Variants in GRIN2A observed in about 807,000 individuals in gnomAD.
GRIN2A encodes the protein glutamate receptor ionotropic, NMDA 2A.
Under a neutral mutation model 113.4 loss-of-function variants are expected in GRIN2A, and 22 were observed. The observed-to-expected ratio is 0.19, with a 90% CI of 0.14 to 0.28. The LOEUF is 0.28. Among genes scored for constraint, GRIN2A ranks in the 10% least tolerant of loss-of-function variants. GRIN2A has a pLI of 1.00. For missense variants in GRIN2A, 1,502 were observed against 1,887.0 expected (o/e 0.80, Z 3.78); for synonymous variants, 827 against 738.4 (o/e 1.12, Z -1.94).
At chr16:9,786,997 T>C (rs1242417778) in intron 11 of GRIN2A, among the ~76,000 whole-genome samples, 1 of 152,214 alleles carries the variant, frequency 6.6e-6, no homozygotes, top group Non-Finnish European at 1.5e-5. Flanking sequence ...TAACATGGCT[T>C]AGTTTCCAAC....
intron 2 of GRIN2A, among the ~76,000 whole-genome samples, chr16:10,044,003 G>GTATATATA (rs1334877702): frequency 1.2e-5 from 1 of 80,588 alleles, no homozygotes; most frequent in African/African-American, 5.5e-5. Context: ...GTGTGTGTGT[G>GTATATATA]TGTGTATATA....
intron 2 of GRIN2A, among the ~76,000 whole-genome samples, chr16:10,085,225 C>T (rs1055060427): frequency 2.0e-5 from 3 of 152,124 alleles, no homozygotes; most frequent in African/African-American, 7.2e-5. Context: ...CTGACCATCT[C>T]GCAGGCTGGG....
rs2047120469 is a variant in GRIN2A at position 10,039,915 on chromosome 16, C to CA, written c.415-101365dup. ...GTACACACTCGCAATCCAGCACACT[C>CA]ACAGCGCACATGCAAACACACACAA... is the stretch of plus-strand genomic sequence containing the variant. On this transcript the variant is annotated intron_variant, in intron 2 of 12. Coordinates refer to ENST00000330684, the MANE Select transcript of GRIN2A (RefSeq NM_001134407.3). Among the ~76,000 whole-genome samples the CA allele has an allele frequency of 3.2e-5, 4 of 125,762 alleles. No individual in the cohort carries two copies. The South Asian group carries it at 1.2e-3, about 37-fold the overall frequency. 82.5% of individuals were successfully genotyped at this position (125,762 alleles called of 152,430 possible).
intron 2 of GRIN2A, among the ~76,000 whole-genome samples, chr16:10,160,668 C>T (rs1254047992): frequency 2.6e-5 from 4 of 152,170 alleles, no homozygotes; most frequent in South Asian, 2.1e-4. Flanking sequence ...TTCTTCTAAC[C>T]GGTTGCACCG....
chr16:9,905,554 C>G (rs9929517), intron 3 of GRIN2A, among the ~76,000 whole-genome samples: 1 of 152,146 alleles, frequency 6.6e-6, no homozygotes, highest in Admixed American at 6.5e-5. Context: ...CTGTTCTAAA[C>G]GAACTGAAAA....
intron 2 of GRIN2A, among the ~76,000 whole-genome samples, chr16:10,067,293 C>G (rs2047668030): frequency 6.6e-6 from 1 of 152,218 alleles, no homozygotes; most frequent in Non-Finnish European, 1.5e-5. Flanking sequence ...AAAATTCACA[C>G]TCCATCTCTG....
chr16:9,783,781 A>G (rs1195161167), intron 11 of GRIN2A, among the ~76,000 whole-genome samples: 3 of 152,234 alleles, frequency 2.0e-5, no homozygotes, highest in Non-Finnish European at 2.9e-5. Flanking sequence ...AAATGTTTCT[A>G]AATGGTAAAT....
chr16:10,151,118 G>A (rs2049559449), intron 2 of GRIN2A, among the ~76,000 whole-genome samples: 1 of 152,186 alleles, frequency 6.6e-6, no homozygotes, highest in South Asian at 2.1e-4. Context: ...TGCCCTCGGG[G>A]AATGCTCACT....
intron 2 of GRIN2A, chr16:10,111,504 C>T (rs974678504): frequency 1.4e-5 from 10 of 702,590 alleles, no homozygotes; most frequent in Non-Finnish European, 2.3e-5. Context: ...TCCCATGGTT[C>T]ATAGATTTCA....
chr16:10,079,872 T>TAACG (rs2047945881), intron 2 of GRIN2A, among the ~76,000 whole-genome samples: 2 of 152,188 alleles, frequency 1.3e-5, no homozygotes, highest in Non-Finnish European at 2.9e-5. Flanking sequence ...AATGGTGTAA[T>TAACG]CAGTGTGATT....
chr16:9,988,615 C>T (rs986590355), intron 2 of GRIN2A, among the ~76,000 whole-genome samples: 2 of 152,022 alleles, frequency 1.3e-5, no homozygotes, highest in African/African-American at 4.8e-5. Context: ...AGAGCATCTT[C>T]CATATGCCAG....
At chr16:9,833,625 C>T (rs2042536050) in intron 8 of GRIN2A, among the ~76,000 whole-genome samples, 1 of 152,104 alleles carries the variant, frequency 6.6e-6, no homozygotes, top group African/African-American at 2.4e-5. Flanking sequence ...TTGTTTTATC[C>T]ATCAGTTGAA....
At chr16:9,779,040 A>T (rs1901782373) in intron 11 of GRIN2A, among the ~76,000 whole-genome samples, 1 of 152,266 alleles carries the variant, frequency 6.6e-6, no homozygotes, top group Non-Finnish European at 1.5e-5. Flanking sequence ...GGCAAGAATG[A>T]AGAGTCAGCC....
intron 4 of GRIN2A, among the ~76,000 whole-genome samples, chr16:9,886,847 TTAG>T (rs1337775251): frequency 6.6e-6 from 1 of 152,080 alleles, no homozygotes; most frequent in African/African-American, 2.4e-5. Flanking sequence ...GTGAAAACTG[TTAG>T]TTAATTGTGC....
At chr16:10,127,592 G>A (rs1289834044) in intron 2 of GRIN2A, among the ~76,000 whole-genome samples, 1 of 152,148 alleles carries the variant, frequency 6.6e-6, no homozygotes, top group African/African-American at 2.4e-5. Context: ...ATAATTGCCT[G>A]TTTATCTGTC....
chr16:9,783,007 T>C (rs1467110063), intron 11 of GRIN2A, among the ~76,000 whole-genome samples: 1 of 152,228 alleles, frequency 6.6e-6, no homozygotes, highest in Non-Finnish European at 1.5e-5. Context: ...AAACGTTGCA[T>C]TTCTGAATAA....
rs367543129 is a variant in GRIN2A at position 10,180,332 on chromosome 16, G to A, written c.80C>T (p.Ala27Val). ...VWRGPAPSAA[A>V]EKGPPALNIA... ...ATTTAGCGCGGGGGGACCCTTCTCC[G>A]CCGCCGCGCTCGGCGCCGGACCGCG... The change falls in exon 2 of 13, where the codon GCG (alanine) becomes GTG (valine). Residue 27 changes from alanine to valine, a missense_variant. This residue lies in a region of GRIN2A where 149 missense variants were observed against 179.1 expected (regional missense o/e 0.83). Coordinates refer to ENST00000330684, the MANE Select transcript of GRIN2A (RefSeq NM_001134407.3). This position sits in a 1 kb window ranked among gnomAD's most constrained non-coding sequence, Gnocchi z 7.0. 9.3e-6 allele frequency: 15 copies of A among 1,609,192 alleles called. No homozygotes were observed. Among genetic ancestry groups the A allele is most frequent in the Admixed American group, 1.7e-5 (1 of 59,978 alleles).
intron 2 of GRIN2A, among the ~76,000 whole-genome samples, chr16:10,116,247 C>T (rs2142163908): frequency 6.6e-6 from 1 of 152,314 alleles, no homozygotes; most frequent in African/African-American, 2.4e-5. Context: ...CATGTTCTCA[C>T]TCATAAGTGA....
chr16:9,973,705 T>G (rs2045718628), intron 2 of GRIN2A, among the ~76,000 whole-genome samples: 1 of 151,868 alleles, frequency 6.6e-6, no homozygotes, highest in African/African-American at 2.4e-5. Flanking sequence ...TAGAGAACAA[T>G]GATTCAAATT....
Sources: gnomAD v4.1 joint callset for allele counts (sites outside exome capture counted in the v4.1 genomes callset) on GRCh38, gnomAD v4.1.1 for gene constraint, gnomAD v4.1.1 regional missense constraint, Gnocchi (gnomAD v3.1) non-coding constraint, MANE v1.5 for transcripts, NCBI Gene and HGNC (gene_info 2026-07-23, HGNC 2026-07-21) for gene names.